ACTR3C: variants seen among roughly 807,000 people sequenced by gnomAD.
ACTR3C encodes actin related protein 3C.
Under a neutral mutation model 26.3 loss-of-function variants are expected in ACTR3C, and 18 were observed. That is an observed-to-expected ratio of 0.68 (90% confidence interval 0.47 to 1.01). The LOEUF (loss-of-function observed/expected upper bound fraction) is 1.01, where lower values mean the gene tolerates loss of function less well. Among genes scored for constraint, ACTR3C ranks in the 50% least tolerant of loss-of-function variants. The pLI is 0.00. For synonymous variants in ACTR3C, 55 were observed against 94.5 expected, an observed-to-expected ratio of 0.58 and a Z score of 2.42; for missense variants, 184 against 250.7, an observed-to-expected ratio of 0.73 and a Z score of 1.80.
At chr7:150,031,238 C>G in the ACTR3C span, among the ~76,000 whole-genome samples, 1 of 144,390 alleles carries the variant, frequency 6.9e-6, no homozygotes, top group African/African-American at 2.6e-5. Flanking sequence ...GCCTGGGTAA[C>G]AGAGAGAGAC....
At chr7:150,180,140 C>T in the ACTR3C span, among the ~76,000 whole-genome samples, 1 of 149,876 alleles carries the variant, frequency 6.7e-6, no homozygotes, top group African/African-American at 2.5e-5. Flanking sequence ...CCCATCTCTA[C>T]TAAAAATACA....
At chr7:150,219,389 TA>T in the ACTR3C span, among the ~76,000 whole-genome samples, 4 of 148,088 alleles carry the variant, frequency 2.7e-5, no homozygotes, top group East Asian at 7.7e-4. Flanking sequence ...TTTTTCGGTT[TA>T]AAAAAATATA....
chr7:150,108,484 A>C, the ACTR3C span, among the ~76,000 whole-genome samples: 1 of 151,662 alleles, frequency 6.6e-6, no homozygotes, highest in Non-Finnish European at 1.5e-5. Flanking sequence ...GTGGCCTTAT[A>C]GATTTGGGAG....
the ACTR3C span, among the ~76,000 whole-genome samples, chr7:150,151,348 T>C: frequency 1.4e-5 from 2 of 138,662 alleles, 1 homozygote; most frequent in Non-Finnish European, 3.2e-5. Context: ...CATTCCTTAT[T>C]CTACTAATTT....
chr7:150,134,174 T>A, the ACTR3C span, among the ~76,000 whole-genome samples: 2 of 151,764 alleles, frequency 1.3e-5, no homozygotes, highest in African/African-American at 4.8e-5. Flanking sequence ...ACCTGCACGT[T>A]GTGCACATAT....
chr7:150,166,222 T>C, the ACTR3C span, among the ~76,000 whole-genome samples: 2 of 150,932 alleles, frequency 1.3e-5, no homozygotes, highest in African/African-American at 5.0e-5. Flanking sequence ...GAAAATAATT[T>C]TAAAAATTGA....
At chr7:150,176,739 T>C in the ACTR3C span, among the ~76,000 whole-genome samples, 1 of 150,820 alleles carries the variant, frequency 6.6e-6, no homozygotes, top group Non-Finnish European at 1.5e-5. Context: ...AGTCTTCTCT[T>C]AGGAGACTTA....
downstream of ACTR3C, chr7:150,244,328 G>C (rs1832353835): frequency 6.8e-6 from 1 of 147,660 alleles, no homozygotes; most frequent in South Asian, 2.2e-4. Flanking sequence ...TTAGAATATT[G>C]AATATTCAAT....
At chr7:150,120,024 C>A in the ACTR3C span, among the ~76,000 whole-genome samples, 1 of 152,152 alleles carries the variant, frequency 6.6e-6, no homozygotes, top group African/African-American at 2.4e-5. Context: ...TAAGTAAGTT[C>A]TTTGAAACCA....
At chr7:150,028,357 C>CCTGTGT in the ACTR3C span, among the ~76,000 whole-genome samples, 37 of 152,204 alleles carry the variant, frequency 2.4e-4, no homozygotes, top group South Asian at 6.2e-4. Flanking sequence ...TGTGTGCATG[C>CCTGTGT]CTGTGTCTGT....
the ACTR3C span, among the ~76,000 whole-genome samples, chr7:150,070,611 T>G: frequency 6.6e-6 from 1 of 152,036 alleles, no homozygotes; most frequent in Non-Finnish European, 1.5e-5. Context: ...CCGCCACGCC[T>G]GGCTAATTCT....
the ACTR3C span, among the ~76,000 whole-genome samples, chr7:150,061,214 G>C: frequency 1.4e-5 from 1 of 69,310 alleles, no homozygotes; most frequent in East Asian, 5.3e-4. Flanking sequence ...AAAAAAGAAA[G>C]AGGCTATGCT....
the ACTR3C span, among the ~76,000 whole-genome samples, chr7:150,064,695 G>A: frequency 1.2e-3 from 167 of 142,988 alleles, no homozygotes; most frequent in African/African-American, 4.1e-3. Flanking sequence ...CGTAATCCTG[G>A]CCATTCATCA....
At chr7:149,956,180 A>G in the ACTR3C span, among the ~76,000 whole-genome samples, 1 of 152,226 alleles carries the variant, frequency 6.6e-6, no homozygotes, top group African/African-American at 2.4e-5. Flanking sequence ...CTAAAACTCT[A>G]AGGATTTAGA....
At chr7:149,917,801 A>G in the ACTR3C span, among the ~76,000 whole-genome samples, 1 of 151,908 alleles carries the variant, frequency 6.6e-6, no homozygotes, top group African/African-American at 2.4e-5. Context: ...ATGCCTGGCT[A>G]GTGTTCTCAA....
chr7:149,940,134 TCTAC>T, the ACTR3C span, among the ~76,000 whole-genome samples: 482 of 152,242 alleles, frequency 3.2e-3, 1 homozygote, highest in Non-Finnish European at 5.7e-3. Flanking sequence ...GGGTTATCTA[TCTAC>T]CTACCTACCT....
In ACTR3C at chr7:150,267,104, C is replaced by T. The variant is rs181789467; in HGVS notation, c.564+17649G>A. On this transcript the variant is annotated intron_variant, in intron 6 of 7. Transcript: ENST00000683684. ...AACTCAAATGTCCACCAGCAGGGGA[C>T]GGCTGACTTGTGGCACAGTCGCTCG... is the stretch of plus-strand genomic sequence containing the variant. Among the ~76,000 whole-genome samples, 163 of 152,290 alleles carry T rather than the reference C, an allele frequency of 1.1e-3. 1 individual carries two copies. Among genetic ancestry groups the T allele is most frequent in the African/African-American group, 3.3e-3 (137 of 41,542 alleles).
At chr7:150,243,746 T>C (rs1023346011), downstream of ACTR3C, among the ~76,000 whole-genome samples, 11 of 152,058 alleles carry the variant, frequency 7.2e-5, 1 homozygote, top group African/African-American at 2.7e-4. Context: ...TTATGCCGGA[T>C]TGTTTAGGGA....
intron 1 of ACTR3C, among the ~76,000 whole-genome samples, chr7:150,303,378 C>T (rs966077681): frequency 1.3e-5 from 2 of 152,194 alleles, no homozygotes; most frequent in Admixed American, 1.3e-4. Flanking sequence ...TTGTTAGCCA[C>T]ACCAGAGAGC....
Sources: allele counts gnomAD v4.1 joint callset (sites outside exome capture counted in the v4.1 genomes callset), GRCh38; gene constraint gnomAD v4.1.1; transcripts MANE v1.5; gene names NCBI Gene and HGNC (gene_info 2026-07-23, HGNC 2026-07-21).